CHL1: variants seen among roughly 807,000 people sequenced by gnomAD.
CHL1 encodes the protein neural cell adhesion molecule L1-like protein.
A neutral mutation model predicts 141.9 loss-of-function variants in CHL1; 96 were observed. The ratio of observed to expected loss-of-function variants is 0.68; its 90% CI spans 0.57 to 0.80. CHL1 has a LOEUF of 0.80. Ranked by LOEUF, CHL1 falls within the 30% of genes least tolerant of loss-of-function variation. CHL1 has a pLI of 0.00. For synonymous variants in CHL1, 613 were observed against 502.2 expected, an observed-to-expected ratio of 1.22 and a Z score of -2.95; for missense variants, 1,820 against 1,457.2, an observed-to-expected ratio of 1.25 and a Z score of -4.05.
intron 2 of CHL1, among the ~76,000 whole-genome samples, chr3:305,891 A>G (rs1339726760): frequency 6.6e-6 from 1 of 152,200 alleles, no homozygotes; most frequent in East Asian, 1.9e-4. Context: ...TAAAAATGGT[A>G]CGTGATGATA....
In CHL1 at chr3:382,225, C is replaced by T. The variant is rs1254809500; in HGVS notation, c.1923C>T (p.Asn641=). The T allele has an allele frequency of 6.2e-7, 1 of 1,613,764 alleles. No homozygotes were observed. The highest frequency in any genetic ancestry group is 1.3e-5 in the African/African-American group (1 of 75,008). Residue 641 remains asparagine (N), a synonymous_variant, in exon 17 of 28, where the codon AAC becomes AAT. Transcript: ENST00000256509. ...ACCTTCACTTGTCTGAAAGACAGAA[C>T]AGGAGTGTTCGGCTGACCTGGGAAG... ...PENLHLSERQ[N]RSVRLTWEAG... is the part of the protein sequence containing the mutation.
intron 3 of CHL1, among the ~76,000 whole-genome samples, chr3:325,385 A>G (rs988633660): frequency 6.6e-6 from 1 of 152,022 alleles, no homozygotes; most frequent in African/African-American, 2.4e-5. Flanking sequence ...GAAATTTATC[A>G]TAAATCAGTA....
chr3:291,219 A>G (rs1443653891), intron 2 of CHL1, among the ~76,000 whole-genome samples: 2 of 151,988 alleles, frequency 1.3e-5, no homozygotes, highest in Admixed American at 6.5e-5. Context: ...TAATTTTGCT[A>G]TTAATAAGGG....
intron 1 of CHL1, among the ~76,000 whole-genome samples, chr3:243,745 A>G (rs1441972602): frequency 1.3e-5 from 2 of 152,148 alleles, no homozygotes; most frequent in African/African-American, 4.8e-5. Flanking sequence ...CTTAGGGCCA[A>G]AGATGTAGTT....
intron 1 of CHL1, among the ~76,000 whole-genome samples, chr3:234,475 G>C (rs1008514541): frequency 6.6e-6 from 1 of 152,030 alleles, no homozygotes; most frequent in African/African-American, 2.4e-5. Context: ...AAAATACAAA[G>C]ACAGCCCTGA....
chr3:230,288 G>C (rs368779356), intron 1 of CHL1, among the ~76,000 whole-genome samples: 2 of 152,202 alleles, frequency 1.3e-5, no homozygotes, highest in East Asian at 3.9e-4. Context: ...TCTGGCTTTT[G>C]TGTCATTCAC....
intron 1 of CHL1, among the ~76,000 whole-genome samples, chr3:235,148 C>G (rs1387660606): frequency 2.0e-5 from 3 of 151,920 alleles, no homozygotes; most frequent in Non-Finnish European, 4.4e-5. Flanking sequence ...TGCTATCCCT[C>G]CCCCCTCTTT....
chr3:378,462 T>C (rs1367706144), intron 16 of CHL1, among the ~76,000 whole-genome samples: 2 of 152,184 alleles, frequency 1.3e-5, no homozygotes, highest in Non-Finnish European at 2.9e-5. Context: ...AAAGTACTAA[T>C]CAGGAAACAG....
intron 1 of CHL1, among the ~76,000 whole-genome samples, chr3:228,465 G>C (rs1271995992): frequency 2.3e-5 from 3 of 131,162 alleles, no homozygotes; most frequent in Non-Finnish European, 5.1e-5. Context: ...CATACACTCA[G>C]TGTAAATATG....
At position 314,329 on chromosome 3, in the gene CHL1, G is replaced by GTGTATA. The variant is rs1455318071; in HGVS notation, c.-94-5353_-94-5352insGTATAT. ...TCTCTTTCTCTCTCTCTCTCTATGT[G>GTGTATA]TATATATATATATATATATATATAT... On this transcript the variant is annotated intron_variant, in intron 2 of 27. Coordinates refer to ENST00000256509, the MANE Select transcript of CHL1 (RefSeq NM_006614.4). Among the ~76,000 whole-genome samples, 36 of 65,330 alleles carry GTGTATA rather than the reference G, an allele frequency of 5.5e-4. 1 individual carries two copies. The highest frequency in any genetic ancestry group is 8.1e-4 in the South Asian group (1 of 1,232). 42.9% of individuals were successfully genotyped at this position (65,330 alleles called of 152,430 possible). A position where few individuals can be genotyped will look rare whatever the true frequency, so the allele number is the denominator to read the frequency against.
At chr3:311,845 A>C (rs972527491) in intron 2 of CHL1, among the ~76,000 whole-genome samples, 1 of 152,178 alleles carries the variant, frequency 6.6e-6, no homozygotes, top group African/African-American at 2.4e-5. Flanking sequence ...CAGGAATTTC[A>C]CAGCTATATA....
At chr3:281,854 C>G (rs1279186843) in intron 2 of CHL1, among the ~76,000 whole-genome samples, 2 of 152,124 alleles carry the variant, frequency 1.3e-5, no homozygotes, top group Non-Finnish European at 2.9e-5. Context: ...GCCACCATGC[C>G]CAGCCTATTT....
intron 1 of CHL1, among the ~76,000 whole-genome samples, chr3:228,759 G>A (rs938668910): frequency 2.0e-5 from 3 of 152,098 alleles, no homozygotes; most frequent in East Asian, 1.9e-4. Flanking sequence ...ATCTTATGTA[G>A]ATTTCTAAAT....
chr3:263,469 G>C (rs1694905131), intron 2 of CHL1, among the ~76,000 whole-genome samples: 1 of 152,136 alleles, frequency 6.6e-6, no homozygotes, highest in African/African-American at 2.4e-5. Flanking sequence ...TTTCTTTTAA[G>C]AAAGAATAAT....
chr3:343,435 G>A (rs142009876), intron 8 of CHL1, among the ~76,000 whole-genome samples: 3 of 152,228 alleles, frequency 2.0e-5, no homozygotes, highest in East Asian at 1.9e-4. Flanking sequence ...TTCTTGCAAG[G>A]CTTTTTGAAA....
intron 23 of CHL1, among the ~76,000 whole-genome samples, chr3:392,080 G>C (rs1266921005): frequency 6.6e-6 from 1 of 152,038 alleles, no homozygotes; most frequent in African/African-American, 2.4e-5. Flanking sequence ...TCTCAATGGA[G>C]ACTACACAGC....
At chr3:208,696 A>AC (rs1161052270) in intron 1 of CHL1, among the ~76,000 whole-genome samples, 1 of 152,180 alleles carries the variant, frequency 6.6e-6, no homozygotes, top group Non-Finnish European at 1.5e-5. Flanking sequence ...TTATGTGTGT[A>AC]CCTGCGTGAG....
At chr3:291,502 AG>A (rs1697695550) in intron 2 of CHL1, among the ~76,000 whole-genome samples, 2 of 151,466 alleles carry the variant, frequency 1.3e-5, no homozygotes, top group Admixed American at 1.3e-4. Context: ...TCCAGTATAA[AG>A]AAGCCTGATC....
intron 24 of CHL1, among the ~76,000 whole-genome samples, chr3:397,235 C>T (rs1464188169): frequency 1.3e-5 from 2 of 152,104 alleles, no homozygotes; most frequent in Non-Finnish European, 2.9e-5. Context: ...ATTAATTGCA[C>T]TCTGTTTCAA....
Sources: gnomAD v4.1 joint callset for allele counts (sites outside exome capture counted in the v4.1 genomes callset) on GRCh38, gnomAD v4.1.1 for gene constraint, MANE v1.5 for transcripts, NCBI Gene and HGNC (gene_info 2026-07-23, HGNC 2026-07-21) for gene names.